Variants in KLHL1 observed in about 807,000 individuals in gnomAD.
KLHL1 encodes the protein kelch-like protein 1.
In KLHL1, 47 loss-of-function variants were observed where a neutral mutation model predicts 77.7. The observed-to-expected ratio is 0.60, with a 90% confidence interval of 0.48 to 0.77. The LOEUF (loss-of-function observed/expected upper bound fraction) is 0.77. KLHL1 is among the 30% of genes least tolerant of loss of function. The probability of loss-of-function intolerance (pLI) is 0.00; values close to 1 mark genes in which losing one functional copy is unlikely to be tolerated. For missense variants in KLHL1, 925 were observed against 910.8 expected (o/e 1.02, Z -0.20); for synonymous variants, 360 against 325.2 (o/e 1.11, Z -1.15).
At chr13:69,823,878 AGT>A (rs1447931687) in intron 6 of KLHL1, among the ~76,000 whole-genome samples, 2 of 151,932 alleles carry the variant, frequency 1.3e-5, no homozygotes, top group Non-Finnish European at 1.5e-5. Context: ...ATATGACTCC[AGT>A]GTAATAGAGT....
intron 7 of KLHL1, among the ~76,000 whole-genome samples, chr13:69,745,247 A>T (rs1874158019): frequency 6.6e-6 from 1 of 151,748 alleles, no homozygotes; most frequent in African/African-American, 2.4e-5. Context: ...TGGCCACTTG[A>T]ATCTCCCTTT....
intron 7 of KLHL1, among the ~76,000 whole-genome samples, chr13:69,754,198 A>T (rs1171184329): frequency 6.6e-6 from 1 of 152,114 alleles, no homozygotes; most frequent in Non-Finnish European, 1.5e-5. Flanking sequence ...AAATGATAGG[A>T]TTATTAATAA....
intron 7 of KLHL1, among the ~76,000 whole-genome samples, chr13:69,788,580 A>G (rs189157153): frequency 1.7e-3 from 265 of 152,256 alleles, no homozygotes; most frequent in African/African-American, 4.0e-3. Flanking sequence ...GTTAATGGGT[A>G]CAGCACACCA....
chr13:69,979,227 G>A (rs1884637892), intron 1 of KLHL1, among the ~76,000 whole-genome samples: 1 of 150,662 alleles, frequency 6.6e-6, no homozygotes, highest in Admixed American at 6.6e-5. Flanking sequence ...AAGTTCTTAG[G>A]CATTAAGTTT....
intron 1 of KLHL1, among the ~76,000 whole-genome samples, chr13:69,992,627 A>G (rs969876930): frequency 2.6e-5 from 4 of 152,150 alleles, no homozygotes; most frequent in Non-Finnish European, 5.9e-5. Context: ...AATTCAAGTC[A>G]ATACTTCTGG....
intron 3 of KLHL1, among the ~76,000 whole-genome samples, chr13:69,948,606 T>C (rs1883605034): frequency 6.6e-6 from 1 of 151,992 alleles, no homozygotes; most frequent in African/African-American, 2.4e-5. Flanking sequence ...TATGTATGAG[T>C]AGACTTAAAC....
chr13:69,802,044 G>A (rs114132562), intron 6 of KLHL1, among the ~76,000 whole-genome samples: 1,587 of 152,030 alleles, frequency 0.01, 28 homozygotes, highest in African/African-American at 0.037. Context: ...AGGCCCTGGT[G>A]TCTGATGTTC....
intron 6 of KLHL1, among the ~76,000 whole-genome samples, chr13:69,808,783 A>G (rs1221846502): frequency 6.6e-6 from 1 of 152,154 alleles, no homozygotes; most frequent in Non-Finnish European, 1.5e-5. Context: ...ACTCAATAAG[A>G]TCTGAGAGAA....
At chr13:70,077,018 G>A (rs925756265) in intron 1 of KLHL1, among the ~76,000 whole-genome samples, 2 of 151,848 alleles carry the variant, frequency 1.3e-5, no homozygotes, top group African/African-American at 2.4e-5. Context: ...GTCATTCATC[G>A]CTGGTGGAAA....
At chr13:69,917,323 A>T (rs571755844) in intron 4 of KLHL1, among the ~76,000 whole-genome samples, 1 of 152,234 alleles carries the variant, frequency 6.6e-6, no homozygotes, top group Admixed American at 6.5e-5. Context: ...AATTCTAAAA[A>T]TTATATATGA....
chr13:69,816,012 C>A lies in KLHL1; in HGVS notation c.1415-19050G>T, dbSNP rs546836124. ...ATTAATCAAGAGGAAAAATAGAAAC[C>A]TCAAAATAAAAAAAATGCTAATTAC... On this transcript the variant is annotated intron_variant, in intron 6 of 10. Transcript: ENST00000377844. Among the ~76,000 whole-genome samples the A allele has an allele frequency of 1.5e-4, 22 of 151,316 alleles. No individual in the cohort carries two copies. The East Asian group carries it at 3.5e-3, about 24-fold the overall frequency.
At chr13:69,750,666 AT>A (rs1291407485) in intron 7 of KLHL1, among the ~76,000 whole-genome samples, 184 of 152,104 alleles carry the variant, frequency 1.2e-3, no homozygotes, top group Non-Finnish European at 3.2e-4. Context: ...CTCATATACT[AT>A]TTTAAAATGC....
At chr13:69,930,353 T>C (rs1231814545) in intron 4 of KLHL1, among the ~76,000 whole-genome samples, 1 of 151,884 alleles carries the variant, frequency 6.6e-6, no homozygotes, top group South Asian at 2.1e-4. Flanking sequence ...AAAGTGATGT[T>C]GCAGTCTATT....
chr13:69,745,946 T>C (rs369116124), intron 7 of KLHL1, among the ~76,000 whole-genome samples: 46 of 151,644 alleles, frequency 3.0e-4, no homozygotes, highest in African/African-American at 1.1e-3. Flanking sequence ...TTGTCTCTTC[T>C]AATCCAGAAC....
intron 1 of KLHL1, among the ~76,000 whole-genome samples, chr13:70,072,282 T>C (rs1296606188): frequency 6.6e-6 from 1 of 152,042 alleles, no homozygotes; most frequent in Non-Finnish European, 1.5e-5. Context: ...TTTAAATAAA[T>C]TGAATAAAAA....
chr13:69,919,018 G>C (rs942496082), intron 4 of KLHL1, among the ~76,000 whole-genome samples: 1 of 151,916 alleles, frequency 6.6e-6, no homozygotes, highest in South Asian at 2.1e-4. Context: ...TTTAGAAAGT[G>C]ATTTTGTGTC....
intron 1 of KLHL1, among the ~76,000 whole-genome samples, chr13:70,017,264 A>C (rs1885680855): frequency 6.6e-6 from 1 of 152,178 alleles, no homozygotes; most frequent in African/African-American, 2.4e-5. Context: ...CCCTTTGGGA[A>C]GCCCAAATAT....
intron 1 of KLHL1, among the ~76,000 whole-genome samples, chr13:70,057,115 C>T (rs1218254693): frequency 1.3e-5 from 2 of 152,156 alleles, no homozygotes; most frequent in East Asian, 1.9e-4. Flanking sequence ...ACAACTGATA[C>T]TGCAGAAAGC....
intron 4 of KLHL1, among the ~76,000 whole-genome samples, chr13:69,931,256 T>G (rs564564457): frequency 2.2e-4 from 33 of 151,874 alleles, no homozygotes; most frequent in Admixed American, 7.9e-4. Context: ...TTACTCAGTG[T>G]TAAATAAATC....
Sources: gnomAD v4.1 joint callset for allele counts (sites outside exome capture counted in the v4.1 genomes callset) on GRCh38, gnomAD v4.1.1 for gene constraint, MANE v1.5 for transcripts, NCBI Gene and HGNC (gene_info 2026-07-23, HGNC 2026-07-21) for gene names.